The following PCSK5 variants were observed in gnomAD, a reference collection of about 807,000 sequenced individuals.
PCSK5 encodes the protein proprotein convertase subtilisin/kexin type 5.
Under a neutral mutation model 233.2 loss-of-function variants are expected in PCSK5, and 129 were observed. That is an observed-to-expected ratio of 0.55 (90% CI 0.48 to 0.64). The LOEUF (loss-of-function observed/expected upper bound fraction) is 0.64, where lower values mean the gene tolerates loss of function less well. PCSK5 is among the 30% of genes least tolerant of loss of function. PCSK5 has a pLI of 0.00. For synonymous variants in PCSK5, 825 were observed against 879.2 expected (o/e 0.94, Z 1.09); for missense variants, 2,076 against 2,430.1 (o/e 0.85, Z 3.06).
At chr9:76,114,245 G>A (rs912141486) in intron 9 of PCSK5, among the ~76,000 whole-genome samples, 1 of 152,154 alleles carries the variant, frequency 6.6e-6, no homozygotes, top group African/African-American at 2.4e-5. Context: ...TTGAGGCCTA[G>A]CGGACAGAGA....
At chr9:75,891,559 ACACAC>A (rs776647641) in intron 1 of PCSK5, among the ~76,000 whole-genome samples, 186 bp downstream of exon 1, 1 of 108,892 alleles carries the variant, frequency 9.2e-6, no homozygotes, top group Non-Finnish European at 2.1e-5. Flanking sequence ...ACACACACAC[ACACAC>A]CCCAGAGTTG....
intron 12 of PCSK5, among the ~76,000 whole-genome samples, chr9:76,159,590 A>AT (rs1183556993): frequency 1.3e-5 from 2 of 152,030 alleles, no homozygotes; most frequent in Non-Finnish European, 2.9e-5. Context: ...GTGTTAACAG[A>AT]TTTTTTCTGC....
chr9:76,064,414 C>T (rs1344349379), intron 5 of PCSK5, among the ~76,000 whole-genome samples: 3 of 129,274 alleles, frequency 2.3e-5, no homozygotes, highest in Admixed American at 7.3e-5. Context: ...GGGGGCTGAC[C>T]CCCCCACCTC....
intron 24 of PCSK5, among the ~76,000 whole-genome samples, chr9:76,253,342 C>A (rs936255860): frequency 6.6e-6 from 1 of 151,572 alleles, no homozygotes; most frequent in Non-Finnish European, 1.5e-5. Flanking sequence ...ATAAGAGAAA[C>A]AAGCTCCATT....
At chr9:75,909,428 G>A (rs961507363) in intron 1 of PCSK5, among the ~76,000 whole-genome samples, 5 of 151,586 alleles carry the variant, frequency 3.3e-5, no homozygotes, top group African/African-American at 4.9e-5. Context: ...GGGTGCGGTA[G>A]CTCACGCCTG....
At chr9:76,151,696 C>T (rs550665437) in intron 10 of PCSK5, among the ~76,000 whole-genome samples, 2 of 152,330 alleles carry the variant, frequency 1.3e-5, no homozygotes, top group East Asian at 3.9e-4. Context: ...GATCTTGGCT[C>T]ACATGGATTG....
intron 21 of PCSK5, among the ~76,000 whole-genome samples, chr9:76,228,381 T>C (rs1471628460): frequency 2.6e-5 from 4 of 152,248 alleles, no homozygotes; most frequent in Non-Finnish European, 5.9e-5. Flanking sequence ...TTGCTCTCTA[T>C]AAGCTTCCAT....
Position 76,310,687 on chromosome 9 carries a change from C to T in PCSK5, c.3720C>T (p.Ser1240=). The T allele has an allele frequency of 1.9e-6, 3 of 1,601,814 alleles. No homozygotes were observed. The highest frequency in any genetic ancestry group is 2.6e-6 in the Non-Finnish European group (3 of 1,176,074). ...ATCTTCTGGCTCAGGCCTGTGTTTC[C>T]TCCTGTCCCCAAGGCACATGGCCTT... ...GAYLLAQACV[S]SCPQGTWPSV... is the part of the protein sequence containing the mutation. Residue 1240 remains serine, a synonymous_variant, in exon 30 of 38, where the codon TCC becomes TCT. Coordinates refer to ENST00000674117, the MANE Select transcript of PCSK5 (RefSeq NM_001372043.1).
intron 24 of PCSK5, among the ~76,000 whole-genome samples, chr9:76,262,952 C>A (rs1388222381): frequency 2.6e-5 from 4 of 151,554 alleles, no homozygotes; most frequent in Non-Finnish European, 5.9e-5. Context: ...ACAACCCCAT[C>A]AAAAATTGGG....
At chr9:76,313,174 A>C (rs1387544738) in intron 30 of PCSK5, among the ~76,000 whole-genome samples, 1 of 152,214 alleles carries the variant, frequency 6.6e-6, no homozygotes, top group African/African-American at 2.4e-5. Flanking sequence ...TGGTGTGGCC[A>C]GAATTTGAAC....
chr9:76,245,161 A>G (rs1004436680), intron 24 of PCSK5, among the ~76,000 whole-genome samples: 1 of 152,190 alleles, frequency 6.6e-6, no homozygotes, highest in African/African-American at 2.4e-5. Flanking sequence ...CATTGACTTG[A>G]TGATTGATTT....
At chr9:76,052,180 C>T (rs1287235437) in intron 5 of PCSK5, among the ~76,000 whole-genome samples, 1 of 151,994 alleles carries the variant, frequency 6.6e-6, no homozygotes. Context: ...TACACTATGG[C>T]CTTGTTGTTG....
At chr9:76,030,616 C>T (rs533174928) in intron 5 of PCSK5, among the ~76,000 whole-genome samples, 1 of 152,028 alleles carries the variant, frequency 6.6e-6, no homozygotes, top group South Asian at 2.1e-4. Context: ...AGTTAAAAAC[C>T]TTTTTATATT....
chr9:76,113,573 G>C (rs754268005), intron 9 of PCSK5, among the ~76,000 whole-genome samples: 32 of 152,202 alleles, frequency 2.1e-4, no homozygotes, highest in Admixed American at 3.9e-4. Flanking sequence ...TAATATGTGG[G>C]ACAGTCGAGA....
chr9:76,240,387 T>C (rs954881016), intron 23 of PCSK5, among the ~76,000 whole-genome samples: 1 of 152,222 alleles, frequency 6.6e-6, no homozygotes, highest in Non-Finnish European at 1.5e-5. Flanking sequence ...GCATGGCATA[T>C]GGTCCAACCT....
intron 5 of PCSK5, among the ~76,000 whole-genome samples, chr9:76,035,856 T>G (rs986470961): frequency 1.3e-5 from 2 of 152,148 alleles, no homozygotes; most frequent in African/African-American, 4.8e-5. Flanking sequence ...AGGTCAGCAA[T>G]AGCAGTTTTT....
chr9:76,341,862 A>G lies in PCSK5; in HGVS notation c.4966+3415A>G, dbSNP rs114987344. Among the ~76,000 whole-genome samples the G allele has an allele frequency of 4.7e-3, 720 of 152,296 alleles. 6 individuals carry two copies. Among genetic ancestry groups the G allele is most frequent in the African/African-American group, 0.016 (679 of 41,560 alleles). On this transcript the variant is annotated intron_variant, in intron 35 of 37. Coordinates refer to ENST00000674117, the MANE Select transcript of PCSK5 (RefSeq NM_001372043.1). Reference sequence around the variant, plus strand: ...TCAGCAGCTTAGGAGAGATCTTGTCAGGAGGTGATGTCTATGAAGGCAGAG... The same window carrying G: ...TCAGCAGCTTAGGAGAGATCTTGTCGGGAGGTGATGTCTATGAAGGCAGAG...
intron 1 of PCSK5, among the ~76,000 whole-genome samples, chr9:75,898,663 G>GA (rs35284504): frequency 0.016 from 1,410 of 86,928 alleles, 10 homozygotes; most frequent in African/African-American, 0.055. Flanking sequence ...TGTGGGATAA[G>GA]AAAAAAAAAA....
rs983668814 is a variant in PCSK5, at chr9:76,193,509, A to AGAT, written c.2626+3765_2626+3767dup. The stretch of plus-strand genomic sequence containing the variant: ...CTCTCTCTCTCAAGTTTGTGCAGGG[A>AGAT]GATGGTGAACTGTTTTGTCAGAACT... On this transcript the variant is annotated intron_variant, in intron 20 of 37. Transcript: ENST00000674117. 1.0e-5 allele frequency: 6 copies of AGAT among 582,238 alleles called. No individual in the cohort carries two copies. In the East Asian group the frequency reaches 1.5e-4, roughly 14 times the overall value. The allele number at this position is 582,238 out of a possible 1,614,324, so 36.1% of individuals were successfully genotyped here. A position where few individuals can be genotyped will look rare whatever the true frequency, so the allele number is the denominator to read the frequency against.
Sources: gnomAD v4.1 joint callset for allele counts (sites outside exome capture counted in the v4.1 genomes callset) on GRCh38, gnomAD v4.1.1 for gene constraint, MANE v1.5 for transcripts, NCBI Gene and HGNC (gene_info 2026-07-23, HGNC 2026-07-21) for gene names.